Variants in SPOPL observed in about 807,000 individuals in gnomAD.
The protein encoded by SPOPL is speckle type BTB/POZ protein like.
In SPOPL, 23 loss-of-function variants were observed where a neutral mutation model predicts 53.8. The ratio of observed to expected loss-of-function variants is 0.43; its 90% CI spans 0.31 to 0.61. The LOEUF is 0.61. Ranked by LOEUF, SPOPL falls within the 20% of genes least tolerant of loss-of-function variation. The pLI, the probability that SPOPL is intolerant of heterozygous loss-of-function variation, is 0.12. For missense variants in SPOPL, 442 were observed against 466.9 expected, an observed-to-expected ratio of 0.95 and a Z score of 0.49; for synonymous variants, 164 against 149.7, an observed-to-expected ratio of 1.10 and a Z score of -0.70.
chr2:138,515,476 G>A (rs1684418231), intron 1 of SPOPL, among the ~76,000 whole-genome samples: 1 of 152,160 alleles, frequency 6.6e-6, no homozygotes, highest in Admixed American at 6.5e-5. Context: ...TTTCCTCACA[G>A]CATGCTGTGT....
rs546632205 is a variant in SPOPL, at chr2:138,570,830, A to G, written c.*1750A>G. The G allele has an allele frequency of 1.7e-4, 26 of 152,164 alleles. No individual in the cohort carries two copies. Among genetic ancestry groups the G allele is most frequent in the African/African-American group, 6.3e-4 (26 of 41,510 alleles). 9.4% of individuals were successfully genotyped at this position (152,164 alleles called of 1,614,324 possible). A position where few individuals can be genotyped will look rare whatever the true frequency, so the allele number is the denominator to read the frequency against. Reference sequence around the variant, plus strand: ...TTGGATTCATATTTACATTGAAAAAACTCAACTAAGCATTTGTTATCCACA... The same window carrying G: ...TTGGATTCATATTTACATTGAAAAAGCTCAACTAAGCATTTGTTATCCACA... On this transcript the variant is annotated 3_prime_UTR_variant, in exon 11 of 11. Coordinates refer to ENST00000280098, the MANE Select transcript of SPOPL (RefSeq NM_001001664.3).
intron 1 of SPOPL, among the ~76,000 whole-genome samples, chr2:138,511,488 AC>A (rs1347202789): frequency 6.6e-6 from 1 of 152,224 alleles, no homozygotes; most frequent in African/African-American, 2.4e-5. Context: ...TGTCAGACAG[AC>A]ACTGTGTTGA....
chr2:138,535,762 A>G (rs1416945891), intron 1 of SPOPL, among the ~76,000 whole-genome samples: 1 of 151,800 alleles, frequency 6.6e-6, no homozygotes, highest in Non-Finnish European at 1.5e-5. Flanking sequence ...TGATACTCCC[A>G]TTATATACAT....
At chr2:138,513,410 G>A (rs533078650) in intron 1 of SPOPL, among the ~76,000 whole-genome samples, 15 of 152,226 alleles carry the variant, frequency 9.9e-5, no homozygotes, top group East Asian at 3.9e-4. Context: ...AAAGTCAGCC[G>A]GGTGTGGTGG....
intron 10 of SPOPL, among the ~76,000 whole-genome samples, chr2:138,568,705 C>T (rs932170108): frequency 2.6e-5 from 4 of 152,028 alleles, no homozygotes; most frequent in Non-Finnish European, 5.9e-5. Flanking sequence ...TATGAAGACC[C>T]ATGTCACATA....
chr2:138,533,512 T>C (rs1209421392), intron 1 of SPOPL, among the ~76,000 whole-genome samples: 3 of 152,162 alleles, frequency 2.0e-5, no homozygotes, highest in Non-Finnish European at 4.4e-5. Context: ...GCATGATATA[T>C]CTAAGCATAT....
In SPOPL at chr2:138,560,795, T is replaced by A; in HGVS notation, c.715-10T>A. ...TTTTTTAACATTTTTGTGTTGTTTT[T>A]CGATATCAGAATCGAGTGGAAATAA... On this transcript the variant is annotated splice_polypyrimidine_tract_variant and intron_variant, in intron 7 of 10. Transcript: ENST00000280098. 1.3e-6 allele frequency: 2 copies of A among 1,572,796 alleles called. No homozygotes were observed. The highest frequency in any genetic ancestry group is 1.7e-6 in the Non-Finnish European group (2 of 1,167,916).
rs553523123 is a variant in SPOPL at position 138,569,874 on chromosome 2, C to A, written c.*794C>A. Reference sequence around the variant, plus strand: ...CTGTACATGTTAAAAGTAAGGATGACCAAATGCAAATTTAATGAGTGGGCC... The same window carrying A: ...CTGTACATGTTAAAAGTAAGGATGAACAAATGCAAATTTAATGAGTGGGCC... On this transcript the variant is annotated 3_prime_UTR_variant, in exon 11 of 11. Transcript: ENST00000280098. The A allele has an allele frequency of 6.6e-6, 1 of 152,480 alleles. No homozygotes were observed. The highest frequency in any genetic ancestry group is 1.9e-4 in the East Asian group (1 of 5,174). The allele number at this position is 152,480 out of a possible 1,614,324, so 9.4% of individuals were successfully genotyped here. A position where few individuals can be genotyped will look rare whatever the true frequency, so the allele number is the denominator to read the frequency against.
At chr2:138,536,735 A>C (rs1322749822) in intron 1 of SPOPL, among the ~76,000 whole-genome samples, 1 of 152,020 alleles carries the variant, frequency 6.6e-6, no homozygotes, top group African/African-American at 2.4e-5. Flanking sequence ...TGCCTCTCAC[A>C]GCCTCTACTG....
At chr2:138,537,055 C>A (rs1261301771) in intron 1 of SPOPL, among the ~76,000 whole-genome samples, 2 of 152,180 alleles carry the variant, frequency 1.3e-5, no homozygotes, top group Non-Finnish European at 2.9e-5. Flanking sequence ...AGAGCCTCCA[C>A]CTTTCCGGCA....
At chr2:138,562,225 GAAA>G (rs1342776784) in intron 8 of SPOPL, among the ~76,000 whole-genome samples, 3 of 150,354 alleles carry the variant, frequency 2.0e-5, no homozygotes, top group African/African-American at 4.9e-5. Context: ...TAACTTTGGG[GAAA>G]AAAAGAATAA....
At chr2:138,532,420 C>CTTTTT (rs769229731) in intron 1 of SPOPL, among the ~76,000 whole-genome samples, 23 of 53,230 alleles carry the variant, frequency 4.3e-4, no homozygotes, top group East Asian at 1.2e-3. Context: ...TTTTTGTTCG[C>CTTTTT]TTTTTTTTTT....
chr2:138,537,404 G>A (rs892003572), intron 1 of SPOPL, among the ~76,000 whole-genome samples: 2 of 152,074 alleles, frequency 1.3e-5, no homozygotes, highest in African/African-American at 2.4e-5. Flanking sequence ...AGAACAGTAC[G>A]GGGATTTTCA....
chr2:138,516,654 C>T (rs1426409947), intron 1 of SPOPL, among the ~76,000 whole-genome samples: 1 of 152,044 alleles, frequency 6.6e-6, no homozygotes, highest in Non-Finnish European at 1.5e-5. Context: ...AACCTAACTA[C>T]CAGTAGAAGA....
At chr2:138,562,516 GGCTCAC>G (rs1256613807) in intron 8 of SPOPL, among the ~76,000 whole-genome samples, 2 of 152,060 alleles carry the variant, frequency 1.3e-5, no homozygotes, top group Non-Finnish European at 2.9e-5. Flanking sequence ...CTCGCATGGT[GGCTCAC>G]GCCTGTAATC....
chr2:138,509,625 T>C (rs1375821428), intron 1 of SPOPL, among the ~76,000 whole-genome samples: 1 of 152,154 alleles, frequency 6.6e-6, no homozygotes, highest in Non-Finnish European at 1.5e-5. Context: ...GAAGCTGTTT[T>C]AGGTTCACTG....
Position 138,505,594 on chromosome 2 carries a change from TAAAA to T in SPOPL, c.-61+3500_-61+3503del, listed in dbSNP as rs1169614974. Among the ~76,000 whole-genome samples, 740 of 75,056 alleles carry T rather than the reference TAAAA, an allele frequency of 9.9e-3. 4 individuals are homozygous for T. The highest frequency in any genetic ancestry group is 0.035 in the Middle Eastern group (4 of 114). 49.2% of individuals were successfully genotyped at this position (75,056 alleles called of 152,430 possible). The stretch of plus-strand genomic sequence containing the variant: ...CAACATGGTGAAACTGTGTCTCTTC[TAAAA>T]AAAAAAAAAAAAAAAAAAAAAAAAT... On this transcript the variant is annotated intron_variant, in intron 1 of 10. Coordinates refer to ENST00000280098, the MANE Select transcript of SPOPL (RefSeq NM_001001664.3).
At chr2:138,504,226 A>G (rs79848642) in intron 1 of SPOPL, among the ~76,000 whole-genome samples, 1,654 of 152,348 alleles carry the variant, frequency 0.011, 33 homozygotes, top group African/African-American at 0.037. Flanking sequence ...CCACCATGGA[A>G]CATGTTCCAT....
intron 8 of SPOPL, among the ~76,000 whole-genome samples, chr2:138,562,843 T>TA (rs1185271393): frequency 6.7e-6 from 1 of 148,522 alleles, no homozygotes; most frequent in African/African-American, 2.5e-5. Context: ...TCTAAACCTC[T>TA]AAAAGAAAAC....
Sources: allele counts gnomAD v4.1 joint callset (sites outside exome capture counted in the v4.1 genomes callset), GRCh38; gene constraint gnomAD v4.1.1; transcripts MANE v1.5; gene names NCBI Gene and HGNC (gene_info 2026-07-23, HGNC 2026-07-21).